CNTNAP2: variants seen among roughly 807,000 people sequenced by gnomAD.
CNTNAP2 encodes the protein contactin associated protein 2.
In CNTNAP2, 98 loss-of-function variants were observed where a neutral mutation model predicts 155.2. That is an observed-to-expected ratio of 0.63 (90% CI 0.54 to 0.75). The LOEUF (loss-of-function observed/expected upper bound fraction) is 0.75. Among genes scored for constraint, CNTNAP2 ranks in the 30% least tolerant of loss-of-function variants. The pLI is 0.00. For missense variants in CNTNAP2, 1,727 were observed against 1,688.1 expected, an observed-to-expected ratio of 1.02 and a Z score of -0.40; for synonymous variants, 651 against 631.2, an observed-to-expected ratio of 1.03 and a Z score of -0.47.
At chr7:146,735,793 G>A (rs1197574305) in intron 1 of CNTNAP2, among the ~76,000 whole-genome samples, 1 of 144,474 alleles carries the variant, frequency 6.9e-6, no homozygotes, top group Non-Finnish European at 1.5e-5. Context: ...GTTAACAGAC[G>A]TAAAATTTTA....
chr7:147,166,447 C>A (rs1209155955), intron 8 of CNTNAP2, among the ~76,000 whole-genome samples: 7 of 152,044 alleles, frequency 4.6e-5, no homozygotes, highest in African/African-American at 1.7e-4. Flanking sequence ...CAGTGTATAC[C>A]GCTCGGGTGA....
Position 147,572,212 on chromosome 7 carries a change from G to A in CNTNAP2, c.1897+9955G>A, listed in dbSNP as rs550535065. Among the ~76,000 whole-genome samples, 103 of 152,150 alleles carry A rather than the reference G, an allele frequency of 6.8e-4. 1 individual carries two copies. Among genetic ancestry groups the A allele is most frequent in the African/African-American group, 2.2e-3 (91 of 41,500 alleles). On this transcript the variant is annotated intron_variant, in intron 12 of 23. Coordinates refer to ENST00000361727, the MANE Select transcript of CNTNAP2 (RefSeq NM_014141.6). ...TCATTCCAGAGCTTCTGCCTGCCAG[G>A]CTTTCTTTGCAATCTCATCTTCATT...
chr7:148,270,416 A>T (rs1796753017), intron 21 of CNTNAP2, among the ~76,000 whole-genome samples: 1 of 152,202 alleles, frequency 6.6e-6, no homozygotes. Context: ...AAATGGTGTT[A>T]TGCAGGTGAG....
At chr7:146,371,624 C>T (rs1795237986) in intron 1 of CNTNAP2, among the ~76,000 whole-genome samples, 1 of 151,814 alleles carries the variant, frequency 6.6e-6, no homozygotes, top group African/African-American at 2.4e-5. Flanking sequence ...CTCGGCCTCC[C>T]AAAGGCCAGT....
At chr7:147,679,873 GA>G (rs1795921685) in intron 13 of CNTNAP2, among the ~76,000 whole-genome samples, 1 of 151,264 alleles carries the variant, frequency 6.6e-6, no homozygotes, top group South Asian at 2.1e-4. Context: ...AATCAGGATT[GA>G]AAAAAGGACA....
intron 13 of CNTNAP2, among the ~76,000 whole-genome samples, chr7:147,681,610 T>C (rs1329471524): frequency 6.6e-6 from 1 of 151,968 alleles, no homozygotes; most frequent in Admixed American, 6.6e-5. Context: ...AAAGGTTTTC[T>C]GAATTCGTGA....
intron 3 of CNTNAP2, among the ~76,000 whole-genome samples, chr7:146,934,897 G>A (rs540782447): frequency 1.3e-5 from 2 of 152,164 alleles, no homozygotes; most frequent in Non-Finnish European, 2.9e-5. Flanking sequence ...CAGTGACCAT[G>A]ACCTTTTATG....
chr7:147,053,855 T>C (rs922436557), intron 4 of CNTNAP2, among the ~76,000 whole-genome samples: 1 of 152,162 alleles, frequency 6.6e-6, no homozygotes, highest in Non-Finnish European at 1.5e-5. Flanking sequence ...CTGTGGTTTA[T>C]AAATAAGATA....
chr7:146,495,525 G>C (rs1273644880), intron 1 of CNTNAP2, among the ~76,000 whole-genome samples: 1 of 148,586 alleles, frequency 6.7e-6, no homozygotes, highest in Non-Finnish European at 1.5e-5. Context: ...GAATCAAATG[G>C]AAAGTTCTTG....
At chr7:147,099,878 C>T (rs905290331) in intron 4 of CNTNAP2, among the ~76,000 whole-genome samples, 1 of 152,052 alleles carries the variant, frequency 6.6e-6, no homozygotes, top group Non-Finnish European at 1.5e-5. Flanking sequence ...CAGTAAACAG[C>T]GAAGGCGAGA....
intron 3 of CNTNAP2, among the ~76,000 whole-genome samples, chr7:146,849,038 C>A (rs2129202641): frequency 6.6e-6 from 1 of 152,194 alleles, no homozygotes; most frequent in Non-Finnish European, 1.5e-5. Context: ...ACCTAGGCCT[C>A]CCAAAGTGCT....
chr7:146,910,119 G>A (rs1167300701), intron 3 of CNTNAP2, among the ~76,000 whole-genome samples: 1 of 130,340 alleles, frequency 7.7e-6, no homozygotes, highest in Non-Finnish European at 1.7e-5. Flanking sequence ...ACCTCTTCAA[G>A]GAGAACTACA....
intron 13 of CNTNAP2, among the ~76,000 whole-genome samples, chr7:147,882,289 C>T (rs998504766): frequency 6.6e-6 from 1 of 152,138 alleles, no homozygotes; most frequent in Non-Finnish European, 1.5e-5. Flanking sequence ...GTCCAGATCT[C>T]CTGGCTCCAA....
chr7:148,354,607 G>A (rs1798480702), intron 21 of CNTNAP2, among the ~76,000 whole-genome samples: 1 of 152,000 alleles, frequency 6.6e-6, no homozygotes, highest in South Asian at 2.1e-4. Flanking sequence ...GGGTGAGGGG[G>A]CGACCGGGAG....
At chr7:146,213,083 A>G (rs1165354711) in intron 1 of CNTNAP2, among the ~76,000 whole-genome samples, 1 of 152,144 alleles carries the variant, frequency 6.6e-6, no homozygotes, top group Non-Finnish European at 1.5e-5. Flanking sequence ...ACTGGGGAGT[A>G]GTTGATTAAT....
intron 15 of CNTNAP2, among the ~76,000 whole-genome samples, chr7:148,106,784 T>C (rs1447027994): frequency 6.6e-6 from 1 of 152,146 alleles, no homozygotes; most frequent in Non-Finnish European, 1.5e-5. Context: ...TAAATCTTCT[T>C]CCCCTCTTTG....
chr7:148,157,588 TC>T (rs1805424790), intron 17 of CNTNAP2, among the ~76,000 whole-genome samples: 1 of 64,712 alleles, frequency 1.5e-5, no homozygotes, highest in African/African-American at 7.6e-5. Context: ...AAAAAAAAAG[TC>T]ACAGAGAAAG....
rs869125044 is a variant in CNTNAP2, at chr7:147,062,127, CAAAAAAAAAAAAAAAAAAAAAAAAAA to C, written c.550+18091_550+18116del. On this transcript the variant is annotated intron_variant, in intron 4 of 23. Coordinates refer to ENST00000361727, the MANE Select transcript of CNTNAP2 (RefSeq NM_014141.6). ...TGGGCGACAGAGCGAGACTCCGTCT[CAAAAAAAAAAAAAAAAAAAAAAAAAA>C]AAAAAAAAAAAAAAAAACCAGTTCT... Among the ~76,000 whole-genome samples the C allele has an allele frequency of 9.1e-4, 41 of 44,940 alleles. 1 individual carries two copies. Among genetic ancestry groups the C allele is most frequent in the Admixed American group, 2.8e-3 (7 of 2,500 alleles). The allele number at this position is 44,940 out of a possible 152,430, so 29.5% of individuals were successfully genotyped here.
chr7:146,461,880 A>G (rs1183570494), intron 1 of CNTNAP2, among the ~76,000 whole-genome samples: 1 of 152,216 alleles, frequency 6.6e-6, no homozygotes, highest in African/African-American at 2.4e-5. Flanking sequence ...TTTTTATGTC[A>G]ATGTAAACTG....
Sources: allele counts gnomAD v4.1 joint callset (sites outside exome capture counted in the v4.1 genomes callset), GRCh38; gene constraint gnomAD v4.1.1; transcripts MANE v1.5; gene names NCBI Gene and HGNC (gene_info 2026-07-23, HGNC 2026-07-21).